Variants in RALY observed in about 807,000 individuals in gnomAD.
RALY encodes the protein RNA-binding protein Raly.
A neutral mutation model predicts 30.7 loss-of-function variants in RALY; 15 were observed. That is an observed-to-expected ratio of 0.49 (90% CI 0.33 to 0.75). The LOEUF (loss-of-function observed/expected upper bound fraction) is 0.75. Ranked by LOEUF, RALY falls within the 30% of genes least tolerant of loss-of-function variation. RALY has a pLI of 0.02. For synonymous variants in RALY, 177 were observed against 170.8 expected (o/e 1.04, Z -0.28); for missense variants, 339 against 414.3 (o/e 0.82, Z 1.58).
intron 2 of RALY, among the ~76,000 whole-genome samples, chr20:34,060,085 CTAGAG>C (rs2033371530): frequency 6.6e-6 from 1 of 152,146 alleles, no homozygotes; most frequent in Admixed American, 6.5e-5. Flanking sequence ...TTTCCAAATA[CTAGAG>C]TTTTGGTGAG....
intron 1 of RALY, among the ~76,000 whole-genome samples, chr20:33,995,079 C>T (rs1196025971): frequency 6.6e-6 from 1 of 152,164 alleles, no homozygotes; most frequent in African/African-American, 2.4e-5. Context: ...TTTACCTAGC[C>T]TTGGGTCACA....
chr20:33,994,750 G>C (rs1221774478), intron 1 of RALY, among the ~76,000 whole-genome samples: 1 of 152,208 alleles, frequency 6.6e-6, no homozygotes, highest in East Asian at 1.9e-4. Context: ...GGTGACATGG[G>C]GGGAAAGAAG....
At position 34,014,771 on chromosome 20, in the gene RALY, A is replaced by T. The variant is rs1326668209; in HGVS notation, c.-92-16751A>T. Among the ~76,000 whole-genome samples the T allele has an allele frequency of 2.6e-5, 4 of 152,236 alleles. No homozygotes were observed. In the East Asian group the frequency reaches 7.7e-4, roughly 29 times the overall value. On this transcript the variant is annotated intron_variant, in intron 1 of 9. Transcript: ENST00000246194. ...CATTTAGTAATGTCCCCAAGACATTAGTCTTACATTTAAACTTTTTTCTTT... is the reference window on the plus strand; with the variant it reads ...CATTTAGTAATGTCCCCAAGACATTTGTCTTACATTTAAACTTTTTTCTTT...
intron 8 of RALY, chr20:34,077,579 G>T: frequency 2.4e-6 from 1 of 418,572 alleles, no homozygotes. Context: ...GGCTGGGGTG[G>T]CTTGTGGAGG....
At chr20:34,044,479 C>T (rs1335837534) in intron 2 of RALY, among the ~76,000 whole-genome samples, 1 of 152,094 alleles carries the variant, frequency 6.6e-6, no homozygotes, top group East Asian at 1.9e-4. Context: ...CACCACCACA[C>T]CCGGCTAATT....
At position 34,081,816 on chromosome 20, in the gene RALY, T is replaced by G. The variant is rs961501036; in HGVS notation, c.*1911T>G. On this transcript the variant is annotated 3_prime_UTR_variant, in exon 10 of 10. Coordinates refer to ENST00000246194, the MANE Select transcript of RALY (RefSeq NM_016732.3). ...CCCCAAGGTGGCCAGAGTTCTGGCT[T>G]CATACCTGAGCCAAAAGCCCCAATC... is the stretch of plus-strand genomic sequence containing the variant. 1 of 152,392 alleles carries G rather than the reference T, an allele frequency of 6.6e-6. No individual in the cohort carries two copies. The highest frequency in any genetic ancestry group is 2.4e-5 in the African/African-American group (1 of 41,474). 9.4% of individuals were successfully genotyped at this position (152,392 alleles called of 1,614,324 possible). A position where few individuals can be genotyped will look rare whatever the true frequency, so the allele number is the denominator to read the frequency against.
At chr20:34,003,840 C>T (rs900699523) in intron 1 of RALY, among the ~76,000 whole-genome samples, 3 of 152,014 alleles carry the variant, frequency 2.0e-5, no homozygotes, top group East Asian at 3.9e-4. Context: ...AGGGTTTCAC[C>T]GTTTTAGCCG....
chr20:34,007,686 G>C (rs908073424), intron 1 of RALY, among the ~76,000 whole-genome samples: 1 of 151,862 alleles, frequency 6.6e-6, no homozygotes, highest in African/African-American at 2.4e-5. Flanking sequence ...TGGGCGTGGT[G>C]GTGGGCGCCT....
At chr20:34,065,131 AGAG>A (rs1213446621) in intron 2 of RALY, 1 of 152,234 alleles carries the variant, frequency 6.6e-6, no homozygotes, top group Non-Finnish European at 1.5e-5. Context: ...GTGCCAGCAC[AGAG>A]GAGGACACTC....
At chr20:34,067,809 C>CT (rs1268287121) in intron 2 of RALY, among the ~76,000 whole-genome samples, 8 of 95,542 alleles carry the variant, frequency 8.4e-5, no homozygotes, top group African/African-American at 3.3e-4. Flanking sequence ...TAGCTTTTTT[C>CT]TTTTTTCTTT....
chr20:33,999,392 G>T (rs996803695), intron 1 of RALY, among the ~76,000 whole-genome samples: 5 of 152,178 alleles, frequency 3.3e-5, no homozygotes, highest in Non-Finnish European at 7.3e-5. Context: ...GTCTGAAAGG[G>T]AGAGAGTGAG....
intron 2 of RALY, among the ~76,000 whole-genome samples, chr20:34,061,574 A>G (rs2033418315): frequency 6.6e-6 from 1 of 152,216 alleles, no homozygotes; most frequent in South Asian, 2.1e-4. Flanking sequence ...TGACTTATTT[A>G]GTTAGTGTGA....
intron 1 of RALY, among the ~76,000 whole-genome samples, chr20:34,014,448 G>A (rs533294107): frequency 2.6e-5 from 4 of 152,280 alleles, no homozygotes; most frequent in Admixed American, 1.3e-4. Flanking sequence ...GCGGGTAAAC[G>A]TGACAGTTAA....
chr20:34,048,574 C>T (rs192757216), intron 2 of RALY, among the ~76,000 whole-genome samples: 64 of 152,148 alleles, frequency 4.2e-4, no homozygotes, highest in South Asian at 2.1e-4. Context: ...ATTTTCTCTG[C>T]GGCCGGGCGT....
chr20:34,066,792 A>G (rs1216111108), intron 2 of RALY, among the ~76,000 whole-genome samples: 1 of 151,716 alleles, frequency 6.6e-6, no homozygotes, highest in Non-Finnish European at 1.5e-5. Flanking sequence ...ATACCATCAC[A>G]TTAGGGATTA....
chr20:34,070,306 C>T (rs1471636095), intron 2 of RALY, among the ~76,000 whole-genome samples: 4 of 152,070 alleles, frequency 2.6e-5, no homozygotes, highest in Non-Finnish European at 5.9e-5. Context: ...AAGACTGGGC[C>T]GGGAACTGCC....
At chr20:34,017,920 A>G (rs887168021) in intron 1 of RALY, among the ~76,000 whole-genome samples, 2 of 152,234 alleles carry the variant, frequency 1.3e-5, no homozygotes, top group African/African-American at 4.8e-5. Context: ...AGTATAATGT[A>G]TGTTCCTTGA....
chr20:34,023,541 G>C (rs1238828242), intron 1 of RALY, among the ~76,000 whole-genome samples: 1 of 152,106 alleles, frequency 6.6e-6, no homozygotes, highest in Non-Finnish European at 1.5e-5. Context: ...TGGTGGGGAG[G>C]CCTGTCCTTG....
At chr20:34,064,386 G>C (rs1179054288) in intron 2 of RALY, among the ~76,000 whole-genome samples, 2 of 152,076 alleles carry the variant, frequency 1.3e-5, no homozygotes, top group East Asian at 3.9e-4. Context: ...CTGCTTTGGG[G>C]TATCCTCTCA....
Sources: gnomAD v4.1 joint callset for allele counts (sites outside exome capture counted in the v4.1 genomes callset) on GRCh38, gnomAD v4.1.1 for gene constraint, MANE v1.5 for transcripts, NCBI Gene and HGNC (gene_info 2026-07-23, HGNC 2026-07-21) for gene names.